EPHB1: variants seen among roughly 807,000 people sequenced by gnomAD.
EPHB1 encodes EPH receptor B1.
In EPHB1, 30 loss-of-function variants were observed where a neutral mutation model predicts 94.4. That is an observed-to-expected ratio of 0.32 (90% CI 0.24 to 0.43). The LOEUF (loss-of-function observed/expected upper bound fraction) is 0.43, where lower values mean the gene tolerates loss of function less well. Ranked by LOEUF, EPHB1 falls within the 20% of genes least tolerant of loss-of-function variation. The probability of loss-of-function intolerance (pLI) is 1.00; values close to 1 mark genes in which losing one functional copy is unlikely to be tolerated. For synonymous variants in EPHB1, 522 were observed against 489.1 expected, an observed-to-expected ratio of 1.07 and a Z score of -0.89; for missense variants, 1,055 against 1,308.3, an observed-to-expected ratio of 0.81 and a Z score of 2.99.
In EPHB1 at chr3:135,191,660, A is replaced by G. The variant is rs536066751; in HGVS notation, c.1883-916A>G. On this transcript the variant is annotated intron_variant, in intron 10 of 15. Coordinates refer to ENST00000398015, the MANE Select transcript of EPHB1 (RefSeq NM_004441.5). ...GATTTTTTTTTTTTTTTAGGCAGCT[A>G]TGAAATAATGTCACCATAATTGTTT... Among the ~76,000 whole-genome samples the G allele has an allele frequency of 1.9e-4, 28 of 151,234 alleles. No individual in the cohort carries two copies. In the East Asian group the frequency reaches 5.4e-3, roughly 29 times the overall value.
intron 1 of EPHB1, among the ~76,000 whole-genome samples, chr3:134,902,331 GT>G (rs2038219225): frequency 6.6e-6 from 1 of 152,192 alleles, no homozygotes; most frequent in Non-Finnish European, 1.5e-5. Flanking sequence ...GGGTGTACAA[GT>G]TTTTGGCTTG....
At chr3:135,201,808 C>A in intron 12 of EPHB1, 119 bp downstream of exon 12, 1 of 967,976 alleles carries the variant, frequency 1.0e-6, no homozygotes, top group Non-Finnish European at 1.5e-6. Context: ...GAGCTCTCCA[C>A]TGAAAGACCA....
At chr3:134,878,581 G>A (rs751036666) in intron 1 of EPHB1, among the ~76,000 whole-genome samples, 16 of 152,302 alleles carry the variant, frequency 1.1e-4, no homozygotes, top group South Asian at 1.0e-3. Context: ...GGCTTCCAGG[G>A]AGCTGATGGA....
intron 3 of EPHB1, among the ~76,000 whole-genome samples, chr3:134,981,182 G>T (rs1313320269): frequency 1.3e-5 from 2 of 152,142 alleles, no homozygotes; most frequent in Non-Finnish European, 2.9e-5. Flanking sequence ...CCCACATGGT[G>T]CTCCTCTTAC....
At chr3:135,168,369 T>C (rs1941708015) in intron 9 of EPHB1, among the ~76,000 whole-genome samples, 1 of 152,252 alleles carries the variant, frequency 6.6e-6, no homozygotes, top group Non-Finnish European at 1.5e-5. Flanking sequence ...TTCAGAGTCC[T>C]GCTTATTCCT....
At chr3:134,859,700 C>T (rs2037205194) in intron 1 of EPHB1, among the ~76,000 whole-genome samples, 1 of 152,190 alleles carries the variant, frequency 6.6e-6, no homozygotes, top group Non-Finnish European at 1.5e-5. Flanking sequence ...TACCCAAGAG[C>T]AATCATTCAT....
At chr3:135,195,236 G>A (rs975745154) in intron 11 of EPHB1, among the ~76,000 whole-genome samples, 5 of 151,982 alleles carry the variant, frequency 3.3e-5, no homozygotes, top group African/African-American at 4.8e-5. Flanking sequence ...ACACTCCCCC[G>A]CTGGAGTGTG....
intron 1 of EPHB1, among the ~76,000 whole-genome samples, chr3:134,874,650 G>C (rs773185100): frequency 5.9e-5 from 9 of 152,214 alleles, no homozygotes; most frequent in Non-Finnish European, 7.3e-5. Flanking sequence ...GAGGCAGCAG[G>C]CTGGCCTGGA....
chr3:135,247,802 A>G (rs13071859), intron 13 of EPHB1, among the ~76,000 whole-genome samples: 15,775 of 152,274 alleles, frequency 0.1, 884 homozygotes, highest in Middle Eastern at 0.21. Flanking sequence ...GGTCTCTAGC[A>G]TGGAGTAAGT....
intron 3 of EPHB1, among the ~76,000 whole-genome samples, chr3:134,974,133 C>A (rs1210937235): frequency 1.3e-5 from 2 of 152,178 alleles, no homozygotes; most frequent in African/African-American, 4.8e-5. Flanking sequence ...TCTGACCACA[C>A]CCTAGTTCAT....
At chr3:135,177,357 G>T (rs1382176935) in intron 9 of EPHB1, among the ~76,000 whole-genome samples, 2 of 152,140 alleles carry the variant, frequency 1.3e-5, no homozygotes, top group Non-Finnish European at 2.9e-5. Context: ...TGCATCTGTT[G>T]CTGCCAGTCG....
chr3:134,830,676 G>A (rs1455972870), intron 1 of EPHB1, among the ~76,000 whole-genome samples: 1 of 152,188 alleles, frequency 6.6e-6, no homozygotes, highest in Non-Finnish European at 1.5e-5. Context: ...AACATGTGTA[G>A]GAGAGTGTTC....
chr3:135,157,441 T>TAAGCTGTAAAA (rs1363279971), intron 6 of EPHB1, among the ~76,000 whole-genome samples: 3 of 152,216 alleles, frequency 2.0e-5, no homozygotes, highest in Non-Finnish European at 4.4e-5. Flanking sequence ...CCTCAACTTT[T>TAAGCTGTAAAA]TATGCTGTAA....
At position 135,202,468 on chromosome 3, in the gene EPHB1, A is replaced by C. The variant is rs532384536; in HGVS notation, c.2346+779A>C. ...CCCTCTTTCCATCTCTACTGCCCCC[A>C]CCCTATTCCAAAGCACCATTCCCTT... On this transcript the variant is annotated intron_variant, in intron 12 of 15. Coordinates refer to ENST00000398015, the MANE Select transcript of EPHB1 (RefSeq NM_004441.5). 7.3e-4 allele frequency among the ~76,000 whole-genome samples: 111 copies of C among 152,038 alleles called. 1 individual carries two copies. Among genetic ancestry groups the C allele is most frequent in the African/African-American group, 2.6e-3 (107 of 41,496 alleles).
At chr3:134,943,412 G>A (rs1418364829) in intron 2 of EPHB1, among the ~76,000 whole-genome samples, 1 of 152,242 alleles carries the variant, frequency 6.6e-6, no homozygotes, top group Non-Finnish European at 1.5e-5. Context: ...CAGGGCATGA[G>A]GTGATGCCAG....
At chr3:134,882,760 TCCTTC>T (rs1560280438) in intron 1 of EPHB1, among the ~76,000 whole-genome samples, 9 of 40,162 alleles carry the variant, frequency 2.2e-4, no homozygotes, top group African/African-American at 9.8e-4. Flanking sequence ...CTTTCTTCCT[TCCTTC>T]CTTTCTTTCT....
intron 15 of EPHB1, among the ~76,000 whole-genome samples, chr3:135,252,225 A>G (rs1157621942): frequency 2.7e-5 from 4 of 149,898 alleles, no homozygotes; most frequent in Non-Finnish European, 5.9e-5. Context: ...TTTATTTTTT[A>G]TTATTATACT....
intron 3 of EPHB1, among the ~76,000 whole-genome samples, chr3:135,014,198 AG>A: frequency 6.6e-6 from 1 of 152,230 alleles, no homozygotes; most frequent in South Asian, 2.1e-4. Flanking sequence ...TTGTTAATGG[AG>A]GGAATTGAAG....
chr3:135,000,687 A>G (rs1935144393), intron 3 of EPHB1, among the ~76,000 whole-genome samples: 1 of 152,200 alleles, frequency 6.6e-6, no homozygotes, highest in Non-Finnish European at 1.5e-5. Flanking sequence ...GATATTGTGC[A>G]ATTGTGTGCA....
Sources: allele counts gnomAD v4.1 joint callset (sites outside exome capture counted in the v4.1 genomes callset), GRCh38; gene constraint gnomAD v4.1.1; transcripts MANE v1.5; gene names NCBI Gene and HGNC (gene_info 2026-07-23, HGNC 2026-07-21).